The following LOC114841035 variants were observed in gnomAD, a reference collection of about 807,000 sequenced individuals.
chr11:64,243,491 G>A, the LOC114841035 span: 17 of 1,613,678 alleles, frequency 1.1e-5, no homozygotes, highest in Admixed American at 6.7e-5. Context: ...GATCCCATCC[G>A]AGCTAGGTAA....
chr11:64,243,693 C>T, the LOC114841035 span: 8 of 1,248,448 alleles, frequency 6.4e-6, no homozygotes, highest in Admixed American at 7.5e-5. Context: ...CCACTCTGCC[C>T]TTGCCAGGCC....
At chr11:64,243,278 A>G in the LOC114841035 span, 1 of 1,610,396 alleles carries the variant, frequency 6.2e-7, no homozygotes, top group East Asian at 2.2e-5. Context: ...GGCACAGGCC[A>G]GGTCATCAAG....
the LOC114841035 span, chr11:64,242,000 TG>T: frequency 6.1e-6 from 1 of 164,214 alleles, no homozygotes; most frequent in Non-Finnish European, 1.3e-5. Context: ...GTGGCGTGAG[TG>T]GGGCCGCCCA....
the LOC114841035 span, chr11:64,243,605 TA>T: frequency 7.1e-7 from 1 of 1,405,480 alleles, no homozygotes; most frequent in Non-Finnish European, 1.0e-6. Flanking sequence ...TTCATTACAA[TA>T]CATGCCTCCT....
chr11:64,243,914 A>G, the LOC114841035 span: 5 of 1,614,038 alleles, frequency 3.1e-6, no homozygotes, highest in Non-Finnish European at 4.2e-6. Context: ...ACCTGCAGCC[A>G]GCCCACCTCC....
the LOC114841035 span, chr11:64,243,436 T>C: frequency 4.3e-6 from 7 of 1,613,920 alleles, no homozygotes; most frequent in Non-Finnish European, 5.1e-6. Context: ...GGGCTGAGCA[T>C]GTGTCTTCCT....
chr11:64,243,962 C>CA, the LOC114841035 span: 1 of 1,614,124 alleles, frequency 6.2e-7, no homozygotes, highest in East Asian at 2.2e-5. Context: ...CCCTTCTCCC[C>CA]TACAGGTGGT....
At chr11:64,243,112 G>C in the LOC114841035 span, 52 of 1,215,894 alleles carry the variant, frequency 4.3e-5, no homozygotes, top group African/African-American at 5.2e-4. Flanking sequence ...GTGGGCGTGG[G>C]GGGGCAGCTT....
chr11:64,243,525 G>GC, the LOC114841035 span: 3 of 1,612,622 alleles, frequency 1.9e-6, no homozygotes, highest in African/African-American at 2.7e-5. Flanking sequence ...AGGGTGCAGA[G>GC]CGAGTTTGGG....
the LOC114841035 span, chr11:64,242,228 G>T: frequency 4.4e-6 from 3 of 683,342 alleles, no homozygotes; most frequent in East Asian, 1.0e-4. Flanking sequence ...GTGTGGCCCC[G>T]GAGCCCGGGG....
the LOC114841035 span, chr11:64,242,386 A>G: frequency 1.3e-6 from 2 of 1,523,964 alleles, no homozygotes; most frequent in Non-Finnish European, 1.8e-6. Flanking sequence ...GCCCACAGAG[A>G]CATGAGGCTG....
At chr11:64,243,912 C>G in the LOC114841035 span, 3 of 1,614,018 alleles carry the variant, frequency 1.9e-6, no homozygotes, top group Non-Finnish European at 2.5e-6. Context: ...TCACCTGCAG[C>G]CAGCCCACCT....
At chr11:64,244,039 G>GGA in the LOC114841035 span, 4 of 1,613,776 alleles carry the variant, frequency 2.5e-6, no homozygotes, top group Non-Finnish European at 3.4e-6. Flanking sequence ...ACCAGACTGG[G>GGA]GAGGGGCAGG....
chr11:64,242,675 C>T, the LOC114841035 span: 23 of 1,130,108 alleles, frequency 2.0e-5, no homozygotes, highest in Middle Eastern at 5.7e-4. Context: ...CCCCTCTCGC[C>T]TCTAAGCCAG....
chr11:64,243,671 G>T, the LOC114841035 span: 1 of 1,152,364 alleles, frequency 8.7e-7, no homozygotes, highest in Non-Finnish European at 1.3e-6. Flanking sequence ...GAAGCACTCA[G>T]CTGTAGTGGC....
At chr11:64,243,297 C>A in the LOC114841035 span, 1 of 1,605,442 alleles carries the variant, frequency 6.2e-7, no homozygotes, top group Non-Finnish European at 8.5e-7. Context: ...AGGGCTGGGA[C>A]CAGGGGCTGC....
chr11:64,242,667 C>T, the LOC114841035 span: 1 of 1,191,594 alleles, frequency 8.4e-7, no homozygotes. Context: ...GGGCAAGTCC[C>T]CTCTCGCCTC....
At chr11:64,242,158 T>G in the LOC114841035 span, 1 of 474,708 alleles carries the variant, frequency 2.1e-6, no homozygotes, top group South Asian at 3.2e-5. Context: ...TGGCCTCCCC[T>G]GACCCCCTCC....
At chr11:64,243,491 G>C in the LOC114841035 span, 3 of 1,613,678 alleles carry the variant, frequency 1.9e-6, no homozygotes, top group Admixed American at 1.7e-5. Flanking sequence ...GATCCCATCC[G>C]AGCTAGGTAA....
Sources: gnomAD v4.1 joint callset for allele counts on GRCh38, gnomAD v4.1.1 for gene constraint, MANE v1.5 for transcripts.